NDUFB2: variants seen among roughly 807,000 people sequenced by gnomAD.
NDUFB2 encodes NADH dehydrogenase [ubiquinone] 1 beta subcomplex subunit 2, mitochondrial.
In NDUFB2, 13 loss-of-function variants were observed where a neutral mutation model predicts 13.4. The ratio of observed to expected loss-of-function variants is 0.97; its 90% CI spans 0.63 to 1.54. The LOEUF is 1.54. Among genes scored for constraint, NDUFB2 ranks in the 40% most tolerant of loss-of-function variants. The pLI is 0.00. For missense variants in NDUFB2, 150 were observed against 139.7 expected, an observed-to-expected ratio of 1.07 and a Z score of -0.37; for synonymous variants, 47 against 50.6, an observed-to-expected ratio of 0.93 and a Z score of 0.30.
Position 140,704,949 on chromosome 7 carries a change from C to T in NDUFB2, c.*15C>T. ...ATGAAGACTGAAGGTGTAGACTCAGCCTCACTCTGTACAAGTGGGTGTGCT... is the reference window on the plus strand; with the variant it reads ...ATGAAGACTGAAGGTGTAGACTCAGTCTCACTCTGTACAAGTGGGTGTGCT... On this transcript the variant is annotated 3_prime_UTR_variant, in exon 3 of 4. Coordinates refer to ENST00000247866, the MANE Select transcript of NDUFB2 (RefSeq NM_004546.3). 3 of 1,554,014 alleles carry T rather than the reference C, an allele frequency of 1.9e-6. No homozygotes were observed. Among genetic ancestry groups the T allele is most frequent in the Non-Finnish European group, 2.6e-6 (3 of 1,145,256 alleles).
chr7:140,704,795 CAATTT>C (rs1475283464), intron 2 of NDUFB2, 60 bp from the exon 3 acceptor site: 2 of 832,980 alleles, frequency 2.4e-6, no homozygotes, highest in East Asian at 6.4e-5. Context: ...ATTTATTTAA[CAATTT>C]AATTAGTTGC....
intron 1 of NDUFB2, 24 bp downstream of exon 1, chr7:140,696,866 G>C (rs1382674648): frequency 6.3e-7 from 1 of 1,575,492 alleles, no homozygotes; most frequent in South Asian, 1.2e-5. Flanking sequence ...TGGGGATGGG[G>C]GCCTCGCCGG....
chr7:140,697,291 G>C (rs1474567369), intron 1 of NDUFB2: 2 of 702,698 alleles, frequency 2.8e-6, no homozygotes, highest in African/African-American at 1.7e-5. Context: ...GAGTCTGTTC[G>C]GCAGCCTTTA....
At chr7:140,698,785 C>A (rs563416580) in intron 1 of NDUFB2, among the ~76,000 whole-genome samples, 10 of 151,978 alleles carry the variant, frequency 6.6e-5, no homozygotes, top group Admixed American at 6.6e-5. Flanking sequence ...TTGGAGGACT[C>A]GGAATTTTAT....
chr7:140,700,605 A>G (rs1291992628), intron 1 of NDUFB2: 1 of 151,868 alleles, frequency 6.6e-6, no homozygotes, highest in Non-Finnish European at 1.5e-5. Flanking sequence ...CCTGGCCAAC[A>G]TAACGAATCC....
At chr7:140,699,696 C>T (rs1435889398) in intron 1 of NDUFB2, among the ~76,000 whole-genome samples, 2 of 151,804 alleles carry the variant, frequency 1.3e-5, no homozygotes, top group Admixed American at 1.3e-4. Flanking sequence ...CCGGTGAAGG[C>T]AGCTTCAGTG....
chr7:140,700,409 C>T (rs1349922879), intron 1 of NDUFB2, among the ~76,000 whole-genome samples: 3 of 151,720 alleles, frequency 2.0e-5, no homozygotes, highest in Non-Finnish European at 4.4e-5. Flanking sequence ...AGGCATAAGC[C>T]ACCGTGTCCG....
chr7:140,704,167 C>A (rs1283668838), intron 2 of NDUFB2, among the ~76,000 whole-genome samples: 2 of 152,126 alleles, frequency 1.3e-5, no homozygotes, highest in African/African-American at 4.8e-5. Flanking sequence ...GCTTGTTTAT[C>A]CAGGATACTT....
intron 1 of NDUFB2, among the ~76,000 whole-genome samples, chr7:140,698,787 G>A (rs1438991756): frequency 1.3e-5 from 2 of 152,164 alleles, no homozygotes; most frequent in Non-Finnish European, 2.9e-5. Flanking sequence ...GGAGGACTCG[G>A]AATTTTATTC....
intron 1 of NDUFB2, among the ~76,000 whole-genome samples, chr7:140,698,470 G>A (rs1200075104): frequency 6.6e-6 from 1 of 152,188 alleles, no homozygotes; most frequent in Non-Finnish European, 1.5e-5. Flanking sequence ...TAAGGGTTAT[G>A]AAGAGAATAC....
intron 1 of NDUFB2, among the ~76,000 whole-genome samples, chr7:140,698,592 G>C (rs754704022): frequency 2.0e-5 from 3 of 152,096 alleles, no homozygotes; most frequent in Non-Finnish European, 4.4e-5. Flanking sequence ...TGAGGGATGA[G>C]AAGTCAGCCA....
chr7:140,697,239 C>A, intron 1 of NDUFB2: 2 of 685,894 alleles, frequency 2.9e-6, no homozygotes, highest in South Asian at 1.6e-5. Flanking sequence ...CTAGGGAGGG[C>A]GCGGTCCAGG....
At chr7:140,701,751 G>A (rs368061022) in intron 1 of NDUFB2, 4 of 244,954 alleles carry the variant, frequency 1.6e-5, no homozygotes, top group Non-Finnish European at 3.1e-5. Context: ...TGGCCAACAC[G>A]GGGAAACCCC....
Position 140,706,158 on chromosome 7 carries a change from A to G in NDUFB2, c.*30-405A>G, listed in dbSNP as rs1026141575. 2.6e-5 allele frequency: 4 copies of G among 151,924 alleles called. No individual in the cohort carries two copies. The East Asian group carries it at 5.8e-4, about 22-fold the overall frequency. 9.4% of individuals were successfully genotyped at this position (151,924 alleles called of 1,614,324 possible). On this transcript the variant is annotated intron_variant, in intron 3 of 3. Coordinates refer to ENST00000247866, the MANE Select transcript of NDUFB2 (RefSeq NM_004546.3). The stretch of plus-strand genomic sequence containing the variant: ...ATCCAGACTGGAGTGCAGCGTGATC[A>G]TGGCTCACTGTAACCCCAACCTCCT...
intron 1 of NDUFB2, among the ~76,000 whole-genome samples, chr7:140,701,605 A>C (rs1262625767): frequency 6.6e-6 from 1 of 151,426 alleles, no homozygotes; most frequent in Non-Finnish European, 1.5e-5. Flanking sequence ...ACGCCACTGC[A>C]CTCTAGCCTG....
intron 3 of NDUFB2, among the ~76,000 whole-genome samples, chr7:140,705,822 T>C (rs1794959335): frequency 6.6e-6 from 1 of 152,118 alleles, no homozygotes; most frequent in African/African-American, 2.4e-5. Flanking sequence ...TATGGGAGTA[T>C]TACTATATAG....
At chr7:140,706,053 GTTATGTT>G (rs1276494727) in intron 3 of NDUFB2, 1 of 143,428 alleles carries the variant, frequency 7.0e-6, no homozygotes, top group Non-Finnish European at 1.5e-5. Context: ...GTTATGTTAT[GTTATGTT>G]TTATGTTATG....
intron 1 of NDUFB2, 190 bp from the exon 2 acceptor site, chr7:140,702,675 AG>A: frequency 3.3e-6 from 2 of 601,970 alleles, no homozygotes; most frequent in Non-Finnish European, 5.4e-6. Context: ...AGTTTTGGTC[AG>A]TTTTTGCTGC....
chr7:140,699,153 G>A (rs528088869), intron 1 of NDUFB2, among the ~76,000 whole-genome samples: 8 of 152,130 alleles, frequency 5.3e-5, no homozygotes, highest in East Asian at 3.9e-4. Flanking sequence ...GTGAGACCCC[G>A]TCTCAAAAAA....
Sources: gnomAD v4.1 joint callset for allele counts (sites outside exome capture counted in the v4.1 genomes callset) on GRCh38, gnomAD v4.1.1 for gene constraint, MANE v1.5 for transcripts, NCBI Gene and HGNC (gene_info 2026-07-23, HGNC 2026-07-21) for gene names.